NELL2: variants seen among roughly 807,000 people sequenced by gnomAD.
The protein encoded by NELL2 is neural EGFL like 2.
A neutral mutation model predicts 109.6 loss-of-function variants in NELL2; 41 were observed. The ratio of observed to expected loss-of-function variants is 0.37; its 90% CI spans 0.29 to 0.49. The LOEUF (loss-of-function observed/expected upper bound fraction) is 0.49. Among genes scored for constraint, NELL2 ranks in the 20% least tolerant of loss-of-function variants. The pLI is 0.98. For missense variants in NELL2, 900 were observed against 1,008.3 expected (o/e 0.89, Z 1.45); for synonymous variants, 355 against 344.7 (o/e 1.03, Z -0.33).
At chr12:44,689,031 C>T (rs1368360233) in intron 12 of NELL2, among the ~76,000 whole-genome samples, 1 of 152,188 alleles carries the variant, frequency 6.6e-6, no homozygotes, top group Non-Finnish European at 1.5e-5. Context: ...AATAATATTA[C>T]AGGCTGTGGA....
At chr12:44,824,413 G>A (rs1205906187) in intron 2 of NELL2, among the ~76,000 whole-genome samples, 1 of 152,172 alleles carries the variant, frequency 6.6e-6, no homozygotes, top group Non-Finnish European at 1.5e-5. Context: ...TCCATTTGGA[G>A]TTGATGTCTG....
At chr12:44,890,546 T>C (rs1269945195) in intron 1 of NELL2, among the ~76,000 whole-genome samples, 1 of 152,090 alleles carries the variant, frequency 6.6e-6, no homozygotes, top group Non-Finnish European at 1.5e-5. Flanking sequence ...CCCTTCTCTA[T>C]AGCTGTCTCC....
At chr12:44,740,620 T>A (rs1011589606) in intron 9 of NELL2, among the ~76,000 whole-genome samples, 1 of 151,990 alleles carries the variant, frequency 6.6e-6, no homozygotes. Context: ...GAAAAAGGTA[T>A]CTATAAGGTT....
chr12:44,508,943 C>T lies in NELL2; in HGVS notation c.2442G>A (p.Gln814=), dbSNP rs746361889. The T allele has an allele frequency of 2.5e-6, 4 of 1,612,458 alleles. No individual in the cohort carries two copies. Among genetic ancestry groups the T allele is most frequent in the East Asian group, 4.5e-5 (2 of 44,846 alleles). The change falls in exon 20 of 20, where the codon CAG becomes CAA. Residue 814 remains glutamine (Q), a synonymous_variant. Transcript: ENST00000429094. The part of the protein sequence containing the change: ...ICCSVDPQCL[Q]EL ...CATGAGACAGTTAACTTCACAGTTC[C>T]TGAAGGCACTGTGGATCCACTGAGC...
chr12:44,742,972 G>A (rs894938996), intron 9 of NELL2, among the ~76,000 whole-genome samples: 11 of 152,116 alleles, frequency 7.2e-5, no homozygotes, highest in Admixed American at 2.0e-4. Context: ...TACTTCTTGA[G>A]AAGAGCAACA....
intron 2 of NELL2, among the ~76,000 whole-genome samples, chr12:44,865,194 T>G (rs1487801097): frequency 9.3e-6 from 1 of 107,802 alleles, no homozygotes; most frequent in Admixed American, 1.0e-4. Flanking sequence ...GTTCATGTCC[T>G]TCGCCCACTT....
At chr12:44,748,181 C>G (rs1191114292) in intron 9 of NELL2, among the ~76,000 whole-genome samples, 1 of 152,064 alleles carries the variant, frequency 6.6e-6, no homozygotes, top group Non-Finnish European at 1.5e-5. Flanking sequence ...TTGATGTGCT[C>G]ATTTGTCAAC....
At chr12:44,510,430 T>C (rs1940945709) in intron 19 of NELL2, among the ~76,000 whole-genome samples, 1 of 152,234 alleles carries the variant, frequency 6.6e-6, no homozygotes, top group South Asian at 2.1e-4. Context: ...TCCTCCATTA[T>C]ATAGTTTCTC....
At chr12:44,657,560 A>T (rs1299662183) in intron 13 of NELL2, among the ~76,000 whole-genome samples, 1 of 152,094 alleles carries the variant, frequency 6.6e-6, no homozygotes, top group African/African-American at 2.4e-5. Context: ...TACACGTGCC[A>T]TGGTGGTTTG....
At chr12:44,639,463 A>G (rs1946770231) in intron 13 of NELL2, among the ~76,000 whole-genome samples, 1 of 152,204 alleles carries the variant, frequency 6.6e-6, no homozygotes, top group Non-Finnish European at 1.5e-5. Flanking sequence ...ATTTCCTAAC[A>G]AGACCTTAAG....
intron 9 of NELL2, among the ~76,000 whole-genome samples, chr12:44,721,593 G>A (rs897474652): frequency 1.3e-5 from 2 of 151,722 alleles, no homozygotes; most frequent in Admixed American, 1.3e-4. Flanking sequence ...CAGGAACATC[G>A]TCTTTGGTTT....
chr12:44,874,798 C>T (rs1945265567), intron 2 of NELL2, among the ~76,000 whole-genome samples: 4 of 152,104 alleles, frequency 2.6e-5, no homozygotes, highest in Admixed American at 2.0e-4. Flanking sequence ...AAAGCTACCC[C>T]CATAAAACAA....
At chr12:44,731,197 A>G (rs556287655) in intron 9 of NELL2, among the ~76,000 whole-genome samples, 14 of 152,216 alleles carry the variant, frequency 9.2e-5, no homozygotes, top group Admixed American at 6.5e-4. Context: ...AATCTTTTTC[A>G]AACTCCTCCC....
chr12:44,681,937 A>T (rs1360333483), intron 12 of NELL2, among the ~76,000 whole-genome samples: 1 of 151,632 alleles, frequency 6.6e-6, no homozygotes, highest in Non-Finnish European at 1.5e-5. Context: ...ATACCCAGTA[A>T]TGGGATGGCT....
intron 9 of NELL2, among the ~76,000 whole-genome samples, chr12:44,736,351 G>A (rs374690115): frequency 7.2e-5 from 11 of 152,050 alleles, no homozygotes; most frequent in Non-Finnish European, 1.2e-4. Flanking sequence ...CTCTGTTAAA[G>A]AGTTGCTAAA....
intron 15 of NELL2, among the ~76,000 whole-genome samples, chr12:44,535,394 T>A (rs1942252664): frequency 6.6e-6 from 1 of 152,036 alleles, no homozygotes; most frequent in Admixed American, 6.6e-5. Context: ...GTTTCATGCA[T>A]TAATTTACAT....
At chr12:44,720,457 C>T (rs1341620483) in intron 9 of NELL2, among the ~76,000 whole-genome samples, 1 of 152,054 alleles carries the variant, frequency 6.6e-6, no homozygotes, top group Non-Finnish European at 1.5e-5. Flanking sequence ...AGGAGTCTGC[C>T]CTTTCTGTAA....
chr12:44,912,514 T>A (rs1441337034), intron 1 of NELL2, among the ~76,000 whole-genome samples: 1 of 152,120 alleles, frequency 6.6e-6, no homozygotes, highest in African/African-American at 2.4e-5. Context: ...AATCTTTTTT[T>A]AAAGGAGAAA....
chr12:44,598,163 CAAAAAA>C (rs10538007), intron 15 of NELL2, among the ~76,000 whole-genome samples: 14,303 of 122,898 alleles, frequency 0.12, 794 homozygotes, highest in East Asian at 0.2. Context: ...TTTATTCTCT[CAAAAAA>C]AAAAAAAAAA....
Sources: gnomAD v4.1 joint callset for allele counts (sites outside exome capture counted in the v4.1 genomes callset) on GRCh38, gnomAD v4.1.1 for gene constraint, MANE v1.5 for transcripts, NCBI Gene and HGNC (gene_info 2026-07-23, HGNC 2026-07-21) for gene names.